EXOC6B: variants seen among roughly 807,000 people sequenced by gnomAD.
EXOC6B encodes SEC15 homolog B.
Under a neutral mutation model 113.5 loss-of-function variants are expected in EXOC6B, and 54 were observed. The observed-to-expected ratio is 0.48, with a 90% CI of 0.38 to 0.60. The LOEUF (loss-of-function observed/expected upper bound fraction) is 0.60. EXOC6B is among the 20% of genes least tolerant of loss of function. EXOC6B has a pLI of 0.00. For missense variants in EXOC6B, 797 were observed against 977.5 expected (o/e 0.82, Z 2.46); for synonymous variants, 357 against 339.0 (o/e 1.05, Z -0.58).
At chr2:72,463,482 G>A (rs575729682) in intron 18 of EXOC6B, 19 of 152,198 alleles carry the variant, frequency 1.2e-4, no homozygotes, top group African/African-American at 4.3e-4. Flanking sequence ...GTGGGCATTT[G>A]AGGAACGTAG....
intron 6 of EXOC6B, among the ~76,000 whole-genome samples, chr2:72,675,700 G>A (rs1676247903): frequency 6.6e-6 from 1 of 152,012 alleles, no homozygotes; most frequent in Admixed American, 6.6e-5. Context: ...GGCTGAGATG[G>A]AGAGAACCAC....
rs1302486028 is a variant in EXOC6B, at chr2:72,342,632, T to G, written c.2123-7612A>C. On this transcript the variant is annotated intron_variant, in intron 19 of 21. Transcript: ENST00000272427. ...GCCATTTTGGTAAAGAGAATGGAGG[T>G]TCCTCAGAATATTAAAATGAGTCAG... is the stretch of plus-strand genomic sequence containing the variant. 3.3e-5 allele frequency among the ~76,000 whole-genome samples: 5 copies of G among 151,946 alleles called. No individual in the cohort carries two copies. In the East Asian group the frequency reaches 9.6e-4, roughly 29 times the overall value.
intron 6 of EXOC6B, among the ~76,000 whole-genome samples, chr2:72,637,789 CAAA>C (rs60536242): frequency 1.0e-5 from 1 of 96,972 alleles, no homozygotes; most frequent in Non-Finnish European, 2.2e-5. Flanking sequence ...GACTCTGTCT[CAAA>C]AAAAAAAAAA....
intron 8 of EXOC6B, among the ~76,000 whole-genome samples, chr2:72,517,099 T>C (rs1217200316): frequency 2.0e-5 from 3 of 152,134 alleles, no homozygotes; most frequent in Admixed American, 2.0e-4. Flanking sequence ...TGGCAAACAT[T>C]TTCTCTAAAA....
intron 19 of EXOC6B, among the ~76,000 whole-genome samples, chr2:72,338,497 C>G (rs1052187883): frequency 2.6e-5 from 4 of 152,054 alleles, no homozygotes; most frequent in African/African-American, 4.8e-5. Flanking sequence ...TTAATTACTT[C>G]ATTTAAAGGA....
chr2:72,210,226 T>C (rs1680102836), intron 20 of EXOC6B, among the ~76,000 whole-genome samples: 1 of 152,202 alleles, frequency 6.6e-6, no homozygotes, highest in Non-Finnish European at 1.5e-5. Context: ...TGCAAAACGC[T>C]GTGAGGACTC....
intron 20 of EXOC6B, among the ~76,000 whole-genome samples, chr2:72,324,554 G>A (rs1051107134): frequency 5.9e-5 from 9 of 152,090 alleles, no homozygotes; most frequent in African/African-American, 1.2e-4. Context: ...AATGCTTACC[G>A]AATCATAAGC....
At chr2:72,778,552 T>C (rs1573781771) in intron 1 of EXOC6B, among the ~76,000 whole-genome samples, 1 of 152,212 alleles carries the variant, frequency 6.6e-6, no homozygotes, top group East Asian at 1.9e-4. Flanking sequence ...TGCTGTATAC[T>C]AGTTACCAAA....
intron 20 of EXOC6B, among the ~76,000 whole-genome samples, chr2:72,301,567 A>G (rs1032110642): frequency 6.6e-6 from 1 of 152,076 alleles, no homozygotes; most frequent in African/African-American, 2.4e-5. Flanking sequence ...TTCCTGGTTC[A>G]GGTTTGGGAG....
chr2:72,669,431 T>G (rs1475287465), intron 6 of EXOC6B, among the ~76,000 whole-genome samples: 1 of 134,604 alleles, frequency 7.4e-6, no homozygotes, highest in African/African-American at 3.5e-5. Context: ...ATTTTCAGAG[T>G]TTTTTTTTTA....
intron 20 of EXOC6B, among the ~76,000 whole-genome samples, chr2:72,282,918 T>C (rs772533190): frequency 2.6e-5 from 4 of 152,040 alleles, no homozygotes; most frequent in Non-Finnish European, 4.4e-5. Flanking sequence ...TAAGAAAAAA[T>C]GGCAGGACTA....
chr2:72,215,284 G>C (rs1415472672), intron 20 of EXOC6B, among the ~76,000 whole-genome samples: 1 of 152,112 alleles, frequency 6.6e-6, no homozygotes, highest in Non-Finnish European at 1.5e-5. Context: ...TTCATTCTGG[G>C]ATTGCCCTGG....
intron 1 of EXOC6B, among the ~76,000 whole-genome samples, chr2:72,746,179 T>A (rs1321545554): frequency 6.6e-6 from 1 of 152,064 alleles, no homozygotes; most frequent in Non-Finnish European, 1.5e-5. Flanking sequence ...TTTTGACATG[T>A]CCAGGTTATG....
chr2:72,565,483 G>A (rs1704116096), intron 7 of EXOC6B, among the ~76,000 whole-genome samples: 1 of 151,566 alleles, frequency 6.6e-6, no homozygotes, highest in Admixed American at 6.6e-5. Flanking sequence ...TGCACTACTT[G>A]GTATTAAACG....
intron 8 of EXOC6B, among the ~76,000 whole-genome samples, chr2:72,518,612 G>C (rs913447349): frequency 6.6e-6 from 1 of 151,836 alleles, no homozygotes; most frequent in African/African-American, 2.4e-5. Context: ...GCCAGAAAGA[G>C]AGAAAGGGAA....
rs943969091 is a variant in EXOC6B, at chr2:72,498,352, A to C, written c.1337+102T>G. ...AGTAGCTACAAAATATAAGTAACAT[A>C]TACTTGTTGCCTATAACATCTGAAA... On this transcript the variant is annotated intron_variant, in intron 13 of 21. Coordinates refer to ENST00000272427, the MANE Select transcript of EXOC6B (RefSeq NM_015189.3). 12 of 700,818 alleles carry C rather than the reference A, an allele frequency of 1.7e-5. No individual in the cohort carries two copies. The East Asian group carries it at 2.6e-4, about 15-fold the overall frequency. 43.4% of individuals were successfully genotyped at this position (700,818 alleles called of 1,614,324 possible). A position where few individuals can be genotyped will look rare whatever the true frequency, so the allele number is the denominator to read the frequency against.
intron 1 of EXOC6B, among the ~76,000 whole-genome samples, chr2:72,780,562 A>C (rs963473215): frequency 6.6e-6 from 1 of 152,202 alleles, no homozygotes; most frequent in African/African-American, 2.4e-5. Context: ...TCTTAGCTGC[A>C]TTCATGTAAC....
At chr2:72,403,798 G>T (rs900113560) in intron 18 of EXOC6B, among the ~76,000 whole-genome samples, 1 of 152,318 alleles carries the variant, frequency 6.6e-6, no homozygotes, top group Middle Eastern at 3.4e-3. Context: ...CATAAGACTG[G>T]TGATTTCTGC....
intron 16 of EXOC6B, among the ~76,000 whole-genome samples, chr2:72,488,351 C>G (rs1322925044): frequency 1.3e-5 from 2 of 152,026 alleles, no homozygotes; most frequent in Non-Finnish European, 2.9e-5. Flanking sequence ...CATCTTTATT[C>G]ATTCCCTCAG....
Sources: gnomAD v4.1 joint callset for allele counts (sites outside exome capture counted in the v4.1 genomes callset) on GRCh38, gnomAD v4.1.1 for gene constraint, MANE v1.5 for transcripts, NCBI Gene and HGNC (gene_info 2026-07-23, HGNC 2026-07-21) for gene names.